Variants in ADAMTSL3 observed in about 807,000 individuals in gnomAD.
ADAMTSL3 encodes ADAMTS-like protein 3.
In ADAMTSL3, 128 loss-of-function variants were observed where a neutral mutation model predicts 201.7. The ratio of observed to expected loss-of-function variants is 0.63; its 90% confidence interval spans 0.55 to 0.73. The LOEUF (loss-of-function observed/expected upper bound fraction) is 0.73. Ranked by LOEUF, ADAMTSL3 falls within the 30% of genes least tolerant of loss-of-function variation. ADAMTSL3 has a pLI of 0.00. For synonymous variants in ADAMTSL3, 738 were observed against 748.4 expected (o/e 0.99, Z 0.23); for missense variants, 1,990 against 2,119.6 (o/e 0.94, Z 1.20).
intron 6 of ADAMTSL3, among the ~76,000 whole-genome samples, chr15:83,822,539 C>T (rs2063905118): frequency 6.8e-6 from 1 of 146,820 alleles, no homozygotes; most frequent in Non-Finnish European, 1.5e-5. Context: ...GGTAGAGGCG[C>T]TCCTCACATC....
intron 19 of ADAMTSL3, among the ~76,000 whole-genome samples, chr15:83,948,267 T>C (rs1473093227): frequency 6.6e-6 from 1 of 152,154 alleles, no homozygotes; most frequent in Non-Finnish European, 1.5e-5. Flanking sequence ...TCCCAACTTG[T>C]GCTCAGTCAC....
rs530744919 is a variant in ADAMTSL3 at position 83,798,818 on chromosome 15, A to C, written c.318-5832A>C. ...TGGGACTCCGTCTCAAAAAAAAAAA[A>C]AAAAAACAAAAAAAAAGGACAATAA... On this transcript the variant is annotated intron_variant, in intron 4 of 29. Transcript: ENST00000286744. Among the ~76,000 whole-genome samples the C allele has an allele frequency of 2.7e-4, 41 of 151,326 alleles. 1 individual carries two copies. Among genetic ancestry groups the C allele is most frequent in the East Asian group, 1.2e-3 (6 of 5,160 alleles).
intron 4 of ADAMTSL3, among the ~76,000 whole-genome samples, chr15:83,781,141 C>T (rs1490338192): frequency 6.6e-6 from 1 of 151,996 alleles, no homozygotes; most frequent in Non-Finnish European, 1.5e-5. Flanking sequence ...CAAAAAACAG[C>T]CTGAATAGCC....
chr15:83,731,305 G>A (rs1488350336), intron 3 of ADAMTSL3, among the ~76,000 whole-genome samples: 1 of 151,992 alleles, frequency 6.6e-6, no homozygotes, highest in East Asian at 1.9e-4. Flanking sequence ...ATATAAAAAG[G>A]TGCTCAGAAT....
At chr15:83,781,506 AC>A (rs1226454327) in intron 4 of ADAMTSL3, among the ~76,000 whole-genome samples, 1 of 152,202 alleles carries the variant, frequency 6.6e-6, no homozygotes, top group African/African-American at 2.4e-5. Context: ...TACTATACAA[AC>A]CCTGGAAGAC....
At chr15:83,671,995 A>T (rs1478088354) in intron 2 of ADAMTSL3, among the ~76,000 whole-genome samples, 2 of 152,228 alleles carry the variant, frequency 1.3e-5, no homozygotes, top group Non-Finnish European at 2.9e-5. Context: ...TGCAACAAGC[A>T]TTTCTCTTTA....
intron 4 of ADAMTSL3, among the ~76,000 whole-genome samples, chr15:83,792,286 CA>C (rs939984941): frequency 3.9e-5 from 6 of 151,958 alleles, no homozygotes; most frequent in Non-Finnish European, 7.4e-5. Flanking sequence ...GATATATGAA[CA>C]AATGCTCAAC....
chr15:83,821,665 A>G (rs1000254753), intron 6 of ADAMTSL3, among the ~76,000 whole-genome samples: 20 of 152,086 alleles, frequency 1.3e-4, no homozygotes, highest in Non-Finnish European at 2.5e-4. Context: ...CACGGCAACC[A>G]TCCGATTTCT....
chr15:83,728,011 C>A (rs1316066540), intron 3 of ADAMTSL3, among the ~76,000 whole-genome samples: 1 of 151,850 alleles, frequency 6.6e-6, no homozygotes, highest in Admixed American at 6.6e-5. Context: ...CTGTCTTTAG[C>A]TGTAATACTA....
intron 4 of ADAMTSL3, among the ~76,000 whole-genome samples, chr15:83,783,106 A>G (rs529811164): frequency 3.7e-3 from 541 of 147,686 alleles, no homozygotes; most frequent in African/African-American, 0.013. Context: ...CATAGAAACA[A>G]TAATATAAAA....
chr15:83,853,950 A>G (rs2064676453), intron 7 of ADAMTSL3, among the ~76,000 whole-genome samples: 1 of 149,496 alleles, frequency 6.7e-6, no homozygotes, highest in East Asian at 2.0e-4. Context: ...CTATCTATCT[A>G]TCTATCTAAT....
At chr15:83,975,280 G>A (rs1239363473) in intron 20 of ADAMTSL3, among the ~76,000 whole-genome samples, 1 of 151,406 alleles carries the variant, frequency 6.6e-6, no homozygotes, top group African/African-American at 2.4e-5. Flanking sequence ...GGGATTACAG[G>A]CGTGAGCCAC....
At chr15:83,742,625 T>C (rs566077495) in intron 3 of ADAMTSL3, among the ~76,000 whole-genome samples, 1 of 152,266 alleles carries the variant, frequency 6.6e-6, no homozygotes, top group African/African-American at 2.4e-5. Context: ...AATAACCAAG[T>C]GGAATAAAAG....
intron 2 of ADAMTSL3, among the ~76,000 whole-genome samples, chr15:83,680,480 G>A (rs1176981578): frequency 6.9e-6 from 1 of 145,926 alleles, no homozygotes; most frequent in Non-Finnish European, 1.5e-5. Flanking sequence ...ATATGACTAG[G>A]TCCTAATTTT....
chr15:83,829,607 A>C (rs1259316613), intron 6 of ADAMTSL3, among the ~76,000 whole-genome samples: 1 of 152,078 alleles, frequency 6.6e-6, no homozygotes, highest in African/African-American at 2.4e-5. Flanking sequence ...TAGTTCTTTT[A>C]ATTGTGATGT....
chr15:83,824,629 G>T (rs1449923241), intron 6 of ADAMTSL3, among the ~76,000 whole-genome samples: 1 of 152,078 alleles, frequency 6.6e-6, no homozygotes, highest in Non-Finnish European at 1.5e-5. Flanking sequence ...TCTATGCTTT[G>T]CTCTTTCATC....
chr15:83,976,300 T>A (rs4359399), intron 20 of ADAMTSL3, among the ~76,000 whole-genome samples: 75,872 of 151,696 alleles, frequency 0.5, 19,241 homozygotes, highest in Middle Eastern at 0.58. Flanking sequence ...TTGACTTGTG[T>A]TTCAGGGAGA....
intron 25 of ADAMTSL3, among the ~76,000 whole-genome samples, 173 bp downstream of exon 25, chr15:84,016,672 A>G (rs1026725911): frequency 4.6e-5 from 7 of 152,118 alleles, no homozygotes; most frequent in Non-Finnish European, 8.8e-5. Context: ...TATTCTTTCC[A>G]TATTGAAACA....
At chr15:83,963,190 G>T (rs1189307610) in intron 19 of ADAMTSL3, among the ~76,000 whole-genome samples, 1 of 152,124 alleles carries the variant, frequency 6.6e-6, no homozygotes, top group Non-Finnish European at 1.5e-5. Context: ...CCCTGGAAAG[G>T]GGGCTGAAGC....
Sources: gnomAD v4.1 joint callset for allele counts (sites outside exome capture counted in the v4.1 genomes callset) on GRCh38, gnomAD v4.1.1 for gene constraint, MANE v1.5 for transcripts, NCBI Gene and HGNC (gene_info 2026-07-23, HGNC 2026-07-21) for gene names.